ATP8A2: variants seen among roughly 807,000 people sequenced by gnomAD.
ATP8A2 encodes ATPase phospholipid transporting 8A2.
ATP8A2 carries 100 observed loss-of-function variants against 165.6 expected under a neutral mutation model. The ratio of observed to expected loss-of-function variants is 0.60; its 90% CI spans 0.51 to 0.71. The LOEUF (loss-of-function observed/expected upper bound fraction) is 0.71. ATP8A2 is among the 30% of genes least tolerant of loss of function. ATP8A2 has a pLI of 0.00. For synonymous variants in ATP8A2, 543 were observed against 548.8 expected, an observed-to-expected ratio of 0.99 and a Z score of 0.15; for missense variants, 1,227 against 1,479.5, an observed-to-expected ratio of 0.83 and a Z score of 2.80.
intron 27 of ATP8A2, among the ~76,000 whole-genome samples, chr13:25,816,586 A>G (rs1372616114): frequency 6.6e-6 from 1 of 152,170 alleles, no homozygotes; most frequent in Non-Finnish European, 1.5e-5. Flanking sequence ...GATACGTCCC[A>G]TGCCTGTCCC....
Position 25,555,019 on chromosome 13 carries a change from A to G in ATP8A2, c.1214A>G (p.Asp405Gly), listed in dbSNP as rs762622963. ...WDTDMYYIGN[D>G]TPAMARTSNL... ...ACAGATATGTATTATATAGGAAATG[A>G]CACTCCTGCCATGGCCAGGACATCA... Residue 405 changes from aspartate (D) to glycine (G), a missense_variant, in exon 13 of 37, where the codon GAC (aspartate) becomes GGC (glycine). Asp to Gly is a moderately conservative substitution (Grantham distance 94). This residue lies in a region of ATP8A2 where 592 missense variants were observed against 785.6 expected (regional missense o/e 0.75). Transcript: ENST00000381655. 10 of 1,612,546 alleles carry G rather than the reference A, an allele frequency of 6.2e-6. No individual in the cohort carries two copies. The highest frequency in any genetic ancestry group is 1.1e-5 in the South Asian group (1 of 90,984).
intron 24 of ATP8A2, among the ~76,000 whole-genome samples, chr13:25,639,117 G>A (rs939093507): frequency 1.4e-3 from 3 of 2,118 alleles, no homozygotes; most frequent in Non-Finnish European, 0.012. Flanking sequence ...CACTAAACAT[G>A]GAAAGGACCA....
chr13:25,828,070 T>G, intron 27 of ATP8A2, 48 bp from the exon 28 acceptor site: 3 of 1,449,990 alleles, frequency 2.1e-6, no homozygotes, highest in South Asian at 1.1e-5. Context: ...AATGGAAACA[T>G]TTAGGTCAAT....
chr13:25,605,839 A>G (rs1053306948), intron 24 of ATP8A2, among the ~76,000 whole-genome samples: 1 of 152,088 alleles, frequency 6.6e-6, no homozygotes, highest in African/African-American at 2.4e-5. Flanking sequence ...AAAAGATCTC[A>G]TTTTGTTTTC....
chr13:25,765,818 C>T (rs981957227), intron 25 of ATP8A2, among the ~76,000 whole-genome samples: 4 of 152,082 alleles, frequency 2.6e-5, no homozygotes, highest in African/African-American at 4.8e-5. Context: ...GTTGGCCTAT[C>T]GCTAACCTCC....
At chr13:25,758,038 A>G (rs2044300983) in intron 25 of ATP8A2, among the ~76,000 whole-genome samples, 1 of 152,162 alleles carries the variant, frequency 6.6e-6, no homozygotes. Context: ...TTAACCTCCA[A>G]AAGGAGATAA....
intron 35 of ATP8A2, among the ~76,000 whole-genome samples, chr13:25,975,030 C>T (rs1956001380): frequency 6.6e-6 from 1 of 152,150 alleles, no homozygotes; most frequent in Non-Finnish European, 1.5e-5. Flanking sequence ...GCTTCCACCT[C>T]CCCTGTCCTC....
At chr13:25,658,900 C>T (rs922663868) in intron 24 of ATP8A2, among the ~76,000 whole-genome samples, 4 of 152,190 alleles carry the variant, frequency 2.6e-5, no homozygotes, top group Admixed American at 2.0e-4. Context: ...CAACCTGGTA[C>T]TACTGTAGTC....
chr13:25,376,298 A>G lies in ATP8A2; in HGVS notation c.76+4010A>G, dbSNP rs553516438. On this transcript the variant is annotated intron_variant, in intron 1 of 36. Coordinates refer to ENST00000381655, the MANE Select transcript of ATP8A2 (RefSeq NM_016529.6). ...TTCCTTGATAAGAAATAAAGATAAT[A>G]ATCTAATTTCTCCTGCTTCCATTTC... Among the ~76,000 whole-genome samples, 18 of 152,332 alleles carry G rather than the reference A, an allele frequency of 1.2e-4. No homozygotes were observed. The South Asian group carries it at 3.7e-3, about 32-fold the overall frequency.
intron 25 of ATP8A2, among the ~76,000 whole-genome samples, chr13:25,725,620 A>G (rs890694473): frequency 6.6e-6 from 1 of 152,210 alleles, no homozygotes; most frequent in African/African-American, 2.4e-5. Flanking sequence ...GCTGCTGGGA[A>G]TGACTCCAGG....
intron 24 of ATP8A2, among the ~76,000 whole-genome samples, chr13:25,691,708 C>G (rs1280321105): frequency 3.9e-5 from 6 of 152,146 alleles, no homozygotes; most frequent in Admixed American, 3.3e-4. Flanking sequence ...ACAGAAATTT[C>G]TCTTATCTAC....
chr13:25,937,362 C>CTTTCTTTTTTTTTTTTCTTTTTTTTTTT, intron 33 of ATP8A2, among the ~76,000 whole-genome samples: 1 of 38,798 alleles, frequency 2.6e-5, no homozygotes, highest in Non-Finnish European at 5.5e-5. Context: ...TTCTTTCTTT[C>CTTTCTTTTTTTTTTTTCTTTTTTTTTTT]TTTTTTTTTT....
intron 24 of ATP8A2, among the ~76,000 whole-genome samples, chr13:25,629,261 A>C (rs950010728): frequency 1.3e-5 from 2 of 152,196 alleles, no homozygotes; most frequent in African/African-American, 4.8e-5. Flanking sequence ...ATTTGGCTCA[A>C]TAAAAAAATT....
chr13:26,012,708 T>G, intron 36 of ATP8A2, 86 bp downstream of exon 36: 3 of 51,844 alleles, frequency 5.8e-5, no homozygotes, highest in African/African-American at 4.5e-4. Context: ...CGGGCGCTGA[T>G]GGGGGGCCGG....
chr13:25,784,786 G>A (rs953014345), intron 27 of ATP8A2, among the ~76,000 whole-genome samples: 1 of 151,734 alleles, frequency 6.6e-6, no homozygotes. Flanking sequence ...TTTTGTTTGA[G>A]AAGGAGTCTC....
At chr13:25,536,941 G>A (rs749318298) in intron 6 of ATP8A2, among the ~76,000 whole-genome samples, 52 of 152,178 alleles carry the variant, frequency 3.4e-4, no homozygotes, top group South Asian at 4.1e-4. Flanking sequence ...GACATGACAC[G>A]CTGGGGCGCT....
rs2032463217 is a variant in ATP8A2, at chr13:25,372,732, A to AG, written c.76+449dup. 6.6e-6 allele frequency among the ~76,000 whole-genome samples: 1 copy of AG among 152,184 alleles called. No individual in the cohort carries two copies. Among genetic ancestry groups the AG allele is most frequent in the African/African-American group, 2.4e-5 (1 of 41,450 alleles). ...GCTGTGCTGCAGAGCTCAAAAGCAG[A>AG]GGGGGAAAAAGGCATCCGAAGGGTC... is the stretch of plus-strand genomic sequence containing the variant. On this transcript the variant is annotated intron_variant, in intron 1 of 36. Coordinates refer to ENST00000381655, the MANE Select transcript of ATP8A2 (RefSeq NM_016529.6). This position sits in a 1 kb window ranked among gnomAD's most constrained non-coding sequence, Gnocchi z 4.8.
At chr13:25,854,020 G>A (rs986712552) in intron 30 of ATP8A2, among the ~76,000 whole-genome samples, 5 of 152,198 alleles carry the variant, frequency 3.3e-5, no homozygotes, top group East Asian at 1.9e-4. Context: ...CTGGAACAGA[G>A]AGCAGGGCTG....
intron 1 of ATP8A2, among the ~76,000 whole-genome samples, chr13:25,405,792 G>A (rs1307465532): frequency 2.0e-5 from 3 of 152,224 alleles, no homozygotes; most frequent in African/African-American, 7.2e-5. Context: ...AGGCTAGACA[G>A]TGCCTTGCAC....
Sources: allele counts gnomAD v4.1 joint callset (sites outside exome capture counted in the v4.1 genomes callset), GRCh38; gene constraint gnomAD v4.1.1; regional missense constraint gnomAD v4.1.1; non-coding constraint Gnocchi (gnomAD v3.1); transcripts MANE v1.5; gene names NCBI Gene and HGNC (gene_info 2026-07-23, HGNC 2026-07-21).